The following CADM1 variants were observed in gnomAD, a reference collection of about 807,000 sequenced individuals.
CADM1 encodes the protein cell adhesion molecule 1, also known as TSLC-1.
A neutral mutation model predicts 53.1 loss-of-function variants in CADM1; 15 were observed. The observed-to-expected ratio is 0.28, with a 90% CI of 0.19 to 0.44. The LOEUF (loss-of-function observed/expected upper bound fraction) is 0.44. Among genes scored for constraint, CADM1 ranks in the 20% least tolerant of loss-of-function variants. The pLI is 1.00. For synonymous variants in CADM1, 281 were observed against 243.0 expected, an observed-to-expected ratio of 1.16 and a Z score of -1.45; for missense variants, 434 against 611.3, an observed-to-expected ratio of 0.71 and a Z score of 3.06.
At chr11:115,339,617 T>C (rs1945369920) in intron 1 of CADM1, among the ~76,000 whole-genome samples, 1 of 152,170 alleles carries the variant, frequency 6.6e-6, no homozygotes, top group Non-Finnish European at 1.5e-5. Flanking sequence ...TTATGCAGAG[T>C]TTAGTTTTCA....
At chr11:115,270,720 C>T (rs1943273352) in intron 1 of CADM1, among the ~76,000 whole-genome samples, 1 of 152,188 alleles carries the variant, frequency 6.6e-6, no homozygotes, top group African/African-American at 2.4e-5. Context: ...CTCTCACCCC[C>T]ACTCCCAATA....
In CADM1 at chr11:115,237,311, A is replaced by G. The variant is rs562524772; in HGVS notation, c.424+1189T>C. Among the ~76,000 whole-genome samples, 4 of 152,354 alleles carry G rather than the reference A, an allele frequency of 2.6e-5. No individual in the cohort carries two copies. The East Asian group carries it at 7.7e-4, about 29-fold the overall frequency. On this transcript the variant is annotated intron_variant, in intron 3 of 11. Transcript: ENST00000331581. Reference sequence around the variant, plus strand: ...TATGAATACGTGAAAGCCATCTATCATTAAACACAGACCAGATTAGAAATT... The same window carrying G: ...TATGAATACGTGAAAGCCATCTATCGTTAAACACAGACCAGATTAGAAATT...
intron 4 of CADM1, among the ~76,000 whole-genome samples, chr11:115,229,561 C>A (rs1443269868): frequency 6.6e-6 from 1 of 152,008 alleles, no homozygotes; most frequent in East Asian, 1.9e-4. Context: ...TTAAAACCTC[C>A]CAGAAAAAGA....
intron 1 of CADM1, among the ~76,000 whole-genome samples, chr11:115,301,816 C>G (rs1187258579): frequency 6.6e-6 from 1 of 152,064 alleles, no homozygotes; most frequent in Admixed American, 6.6e-5. Flanking sequence ...CACCCCATAA[C>G]ATTATAAGAA....
At chr11:115,345,553 C>G (rs566873749) in intron 1 of CADM1, among the ~76,000 whole-genome samples, 1 of 152,154 alleles carries the variant, frequency 6.6e-6, no homozygotes, top group African/African-American at 2.4e-5. Flanking sequence ...TTTAAACACC[C>G]TCATTCTGTC....
intron 1 of CADM1, among the ~76,000 whole-genome samples, chr11:115,324,383 T>C (rs1944905197): frequency 6.6e-6 from 1 of 152,170 alleles, no homozygotes; most frequent in African/African-American, 2.4e-5. Context: ...ATGATTTTGG[T>C]GCCATGCTCT....
chr11:115,339,339 T>C (rs1330530300), intron 1 of CADM1, among the ~76,000 whole-genome samples: 3 of 152,116 alleles, frequency 2.0e-5, no homozygotes, highest in African/African-American at 4.8e-5. Context: ...CGTATGTTTA[T>C]TGCAGCACTA....
intron 1 of CADM1, among the ~76,000 whole-genome samples, chr11:115,426,895 C>T (rs1183007705): frequency 1.3e-5 from 2 of 152,070 alleles, no homozygotes; most frequent in East Asian, 1.9e-4. Context: ...TGCTGTGTTT[C>T]CTGGCATGTA....
At chr11:115,225,906 G>A (rs1941588495) in intron 5 of CADM1, among the ~76,000 whole-genome samples, 1 of 151,842 alleles carries the variant, frequency 6.6e-6, no homozygotes, top group Admixed American at 6.6e-5. Context: ...TCTTAGATGG[G>A]GATAAAGAGA....
chr11:115,413,260 T>C (rs921919305), intron 1 of CADM1, among the ~76,000 whole-genome samples: 1 of 152,234 alleles, frequency 6.6e-6, no homozygotes, highest in African/African-American at 2.4e-5. Context: ...CTTAGGTTTT[T>C]CCTTCAACAA....
chr11:115,281,317 C>A (rs7944955), intron 1 of CADM1, among the ~76,000 whole-genome samples: 50,806 of 152,050 alleles, frequency 0.33, 9,263 homozygotes, highest in African/African-American at 0.46. Flanking sequence ...AATAATAAAT[C>A]ATGGGAGTAT....
chr11:115,329,221 A>C (rs1266488504), intron 1 of CADM1, among the ~76,000 whole-genome samples: 1 of 152,162 alleles, frequency 6.6e-6, no homozygotes, highest in Non-Finnish European at 1.5e-5. Flanking sequence ...TAGAAAGTGT[A>C]CCTGGAATGT....
intron 1 of CADM1, among the ~76,000 whole-genome samples, chr11:115,243,833 A>G (rs998862271): frequency 6.6e-6 from 1 of 152,220 alleles, no homozygotes; most frequent in African/African-American, 2.4e-5. Context: ...CTAAAACTCA[A>G]TTAGCAGATA....
At chr11:115,413,704 G>A (rs1425638470) in intron 1 of CADM1, among the ~76,000 whole-genome samples, 1 of 147,108 alleles carries the variant, frequency 6.8e-6, no homozygotes, top group East Asian at 2.0e-4. Context: ...GAATGCAGTG[G>A]TGCAATCTTG....
chr11:115,280,467 T>A (rs1465657046), intron 1 of CADM1, among the ~76,000 whole-genome samples: 2 of 152,150 alleles, frequency 1.3e-5, no homozygotes, highest in African/African-American at 2.4e-5. Context: ...ATGCTGGAAT[T>A]TGTATATAAT....
intron 5 of CADM1, among the ~76,000 whole-genome samples, chr11:115,227,309 C>G (rs1941647341): frequency 6.6e-6 from 1 of 152,094 alleles, no homozygotes; most frequent in South Asian, 2.1e-4. Flanking sequence ...TTATAAGGAT[C>G]ATTATCAAGT....
intron 1 of CADM1, among the ~76,000 whole-genome samples, chr11:115,500,907 G>C (rs1949713294): frequency 6.6e-6 from 1 of 152,220 alleles, no homozygotes; most frequent in Admixed American, 6.5e-5. Context: ...AAGTCAGGAA[G>C]TGAGAGAGGA....
At chr11:115,211,409 A>G (rs1029522591) in intron 7 of CADM1, among the ~76,000 whole-genome samples, 8 of 149,134 alleles carry the variant, frequency 5.4e-5, no homozygotes, top group Non-Finnish European at 1.0e-4. Context: ...TTCAATTACT[A>G]TATCTACTAC....
chr11:115,264,827 G>C (rs937428818), intron 1 of CADM1, among the ~76,000 whole-genome samples: 3 of 152,186 alleles, frequency 2.0e-5, no homozygotes, highest in Admixed American at 2.0e-4. Flanking sequence ...TGACAATCAT[G>C]ATGATTTCTC....
Sources: allele counts gnomAD v4.1 joint callset (sites outside exome capture counted in the v4.1 genomes callset), GRCh38; gene constraint gnomAD v4.1.1; transcripts MANE v1.5; gene names NCBI Gene and HGNC (gene_info 2026-07-23, HGNC 2026-07-21).